CFAP53: variants seen among roughly 807,000 people sequenced by gnomAD.
CFAP53 encodes the protein cilia- and flagella-associated protein 53.
In CFAP53, 62 loss-of-function variants were observed where a neutral mutation model predicts 59.7. That is an observed-to-expected ratio of 1.04 (90% CI 0.85 to 1.28). The LOEUF (loss-of-function observed/expected upper bound fraction) is 1.28, where lower values mean the gene tolerates loss of function less well. Ranked by LOEUF, CFAP53 falls within the 50% of genes most tolerant of loss-of-function variation. The pLI, the probability that CFAP53 is intolerant of heterozygous loss-of-function variation, is 0.00. For missense variants in CFAP53, 629 were observed against 615.6 expected, an observed-to-expected ratio of 1.02 and a Z score of -0.23; for synonymous variants, 218 against 205.7, an observed-to-expected ratio of 1.06 and a Z score of -0.51.
intron 7 of CFAP53, among the ~76,000 whole-genome samples, chr18:50,233,894 G>T (rs1278297808): frequency 6.6e-6 from 1 of 152,202 alleles, no homozygotes; most frequent in Non-Finnish European, 1.5e-5. Context: ...AGGTTTAGGA[G>T]GGGAGCCTAG....
At chr18:50,238,457 G>A in intron 7 of CFAP53, 146 bp downstream of exon 7, 1 of 568,650 alleles carries the variant, frequency 1.8e-6, no homozygotes, top group Non-Finnish European at 3.1e-6. Context: ...TTGCTATACT[G>A]CCCAGGCTAA....
chr18:50,227,841 G>A (rs1050428877), intron 7 of CFAP53, among the ~76,000 whole-genome samples: 1 of 151,282 alleles, frequency 6.6e-6, no homozygotes, highest in Non-Finnish European at 1.5e-5. Flanking sequence ...TTCCCTGCTC[G>A]TAATGTTCAC....
intron 6 of CFAP53, 136 bp downstream of exon 6, chr18:50,242,764 A>C (rs1396087458): frequency 5.6e-6 from 4 of 711,398 alleles, no homozygotes; most frequent in Non-Finnish European, 9.5e-6. Context: ...ATTTGCAATA[A>C]CAGGCCTCCT....
chr18:50,238,435 A>T (rs2033657531), intron 7 of CFAP53, among the ~76,000 whole-genome samples, 168 bp downstream of exon 7: 1 of 152,080 alleles, frequency 6.6e-6, no homozygotes, highest in Admixed American at 6.5e-5. Flanking sequence ...ATTTTTTTGT[A>T]GAGATGAGAT....
chr18:50,234,203 G>C (rs948089978), intron 7 of CFAP53, among the ~76,000 whole-genome samples: 2 of 152,070 alleles, frequency 1.3e-5, no homozygotes, highest in Non-Finnish European at 2.9e-5. Flanking sequence ...TCTATGGTGG[G>C]GAAACAACAA....
chr18:50,251,783 C>T lies in CFAP53; in HGVS notation c.475G>A (p.Glu159Lys), dbSNP rs1267909982. The part of the protein sequence containing the change: ...VAEKLDQQFR[E>K]RCEELRVELL... ...TCAACACGGAGCTCCTCACAGCGTTCCCTGAAAGGAAAATTTTAAAAAGAC... is the reference window on the plus strand; with the variant it reads ...TCAACACGGAGCTCCTCACAGCGTTTCCTGAAAGGAAAATTTTAAAAAGAC... Residue 159 changes from glutamate (E) to lysine (K), a missense_variant and splice_region_variant, in exon 4 of 8, where the codon GAA becomes AAA. Physicochemically the swap from Glu to Lys is moderately conservative, Grantham distance 56. Coordinates refer to ENST00000398545, the MANE Select transcript of CFAP53 (RefSeq NM_145020.5). 3 of 1,611,018 alleles carry T rather than the reference C, an allele frequency of 1.9e-6. No individual in the cohort carries two copies. The highest frequency in any genetic ancestry group is 2.5e-6 in the Non-Finnish European group (3 of 1,178,284).
chr18:50,265,021 T>C (rs571850772), intron 1 of CFAP53, among the ~76,000 whole-genome samples: 1 of 152,358 alleles, frequency 6.6e-6, no homozygotes, highest in Admixed American at 6.5e-5. Flanking sequence ...CTATGTGCAC[T>C]GTGGAGCATA....
chr18:50,243,096 C>T lies in CFAP53; in HGVS notation c.1017G>A (p.Gln339=). 1 of 1,612,114 alleles carries T rather than the reference C, an allele frequency of 6.2e-7. No individual in the cohort carries two copies. The highest frequency in any genetic ancestry group is 8.5e-7 in the Non-Finnish European group (1 of 1,178,890). The change falls in exon 6 of 8, where the codon CAG becomes CAA. Residue 339 remains glutamine (Q), a synonymous_variant. Transcript: ENST00000398545. ...GTGCCAAATATTTATGGTATATCTTCTGTTCTCTTATCATATCTTCCTATG... is the reference window on the plus strand; with the variant it reads ...GTGCCAAATATTTATGGTATATCTTTTGTTCTCTTATCATATCTTCCTATG... ...KQKREDMIRE[Q]KIYHKYLAQR...
chr18:50,244,577 T>C (rs916011789), intron 5 of CFAP53, among the ~76,000 whole-genome samples: 6 of 152,102 alleles, frequency 3.9e-5, no homozygotes, highest in Non-Finnish European at 8.8e-5. Flanking sequence ...ATAATCAATA[T>C]AAGACTGGAG....
At chr18:50,230,420 G>A (rs1433070127) in intron 7 of CFAP53, among the ~76,000 whole-genome samples, 2 of 152,210 alleles carry the variant, frequency 1.3e-5, no homozygotes, top group South Asian at 2.1e-4. Context: ...ATCTGTGATG[G>A]TGACACAGGG....
At chr18:50,239,072 T>C (rs969703164) in intron 6 of CFAP53, among the ~76,000 whole-genome samples, 1 of 148,320 alleles carries the variant, frequency 6.7e-6, no homozygotes, top group Non-Finnish European at 1.5e-5. Context: ...ATATTTATTA[T>C]AAAATAAATA....
chr18:50,227,399 G>T lies in CFAP53; in HGVS notation c.1527C>A (p.Pro509=). Residue 509 remains proline (P), a synonymous_variant, in exon 8 of 8, where the codon CCC becomes CCA. Transcript: ENST00000398545. ...CACGGAACTACGGTGGAAGCTTACT[G>T]GGGCATGCCTTGCGCATGGGATGAA... ...QNIHPMRKAC[P]SKLPP is the part of the protein sequence containing the mutation. 6.2e-7 allele frequency: 1 copy of T among 1,612,868 alleles called. No individual in the cohort carries two copies. Among genetic ancestry groups the T allele is most frequent in the Non-Finnish European group, 8.5e-7 (1 of 1,178,894 alleles).
At chr18:50,231,684 A>G (rs2033585154) in intron 7 of CFAP53, among the ~76,000 whole-genome samples, 2 of 152,220 alleles carry the variant, frequency 1.3e-5, no homozygotes, top group African/African-American at 4.8e-5. Context: ...AAGGCCAAAT[A>G]GCCACCTGGC....
rs2033940929 is a variant in CFAP53 at position 50,265,427 on chromosome 18, C to T, written c.69+909G>A. Among the ~76,000 whole-genome samples, 6 of 152,078 alleles carry T rather than the reference C, an allele frequency of 3.9e-5. No individual in the cohort carries two copies. The South Asian group carries it at 1.2e-3, about 32-fold the overall frequency. On this transcript the variant is annotated intron_variant, in intron 1 of 7. Transcript: ENST00000398545. ...TTGCATTATGTATATGCAAGTATTC[C>T]AAAATCCAAAAAAAAAATCTGAAAT...
intron 3 of CFAP53, among the ~76,000 whole-genome samples, chr18:50,258,530 G>C (rs1366143942): frequency 6.6e-6 from 1 of 152,092 alleles, no homozygotes; most frequent in Non-Finnish European, 1.5e-5. Context: ...AAATCTCTAG[G>C]ACATTGGACT....
intron 3 of CFAP53, among the ~76,000 whole-genome samples, chr18:50,257,189 G>A (rs1258263365): frequency 6.6e-6 from 1 of 152,050 alleles, no homozygotes; most frequent in Non-Finnish European, 1.5e-5. Context: ...GATCATCACT[G>A]CACTGAGAGA....
In CFAP53 at chr18:50,261,252, CAAAA is replaced by C. The variant is rs71169499; in HGVS notation, c.300-19_300-16del. The C allele has an allele frequency of 0.014, 16,750 of 1,180,496 alleles. No homozygotes were observed. The highest frequency in any genetic ancestry group is 0.025 in the South Asian group (1,137 of 44,910). The allele number at this position is 1,180,496 out of a possible 1,614,324, so 73.1% of individuals were successfully genotyped here. A position where few individuals can be genotyped will look rare whatever the true frequency, so the allele number is the denominator to read the frequency against. Reference sequence around the variant, plus strand: ...GCTCACGTAGCCTGAAACAAAAAGCCAAAAAAAAAAAAAAAAAAAGAAAACTGTC... The same window carrying C: ...GCTCACGTAGCCTGAAACAAAAAGCCAAAAAAAAAAAAAAAGAAAACTGTC... On this transcript the variant is annotated splice_polypyrimidine_tract_variant and intron_variant, in intron 2 of 7. Coordinates refer to ENST00000398545, the MANE Select transcript of CFAP53 (RefSeq NM_145020.5).
intron 2 of CFAP53, 32 bp from the exon 3 acceptor site, chr18:50,261,269 A>G (rs1157886518): frequency 1.0e-5 from 15 of 1,430,506 alleles, no homozygotes; most frequent in South Asian, 7.0e-5. Context: ...AAAAAAAAAA[A>G]AAGAAAACTG....
intron 6 of CFAP53, among the ~76,000 whole-genome samples, chr18:50,241,506 A>G (rs1167596498): frequency 1.3e-5 from 2 of 152,290 alleles, no homozygotes; most frequent in East Asian, 3.9e-4. Flanking sequence ...CATTGGGGGA[A>G]CCAGCCCCCA....
Sources: gnomAD v4.1 joint callset for allele counts (sites outside exome capture counted in the v4.1 genomes callset) on GRCh38, gnomAD v4.1.1 for gene constraint, MANE v1.5 for transcripts, NCBI Gene and HGNC (gene_info 2026-07-23, HGNC 2026-07-21) for gene names.